ITGA8: variants seen among roughly 807,000 people sequenced by gnomAD.
The protein encoded by ITGA8 is integrin alpha-8.
ITGA8 carries 91 observed loss-of-function variants against 142.3 expected under a neutral mutation model. The ratio of observed to expected loss-of-function variants is 0.64; its 90% CI spans 0.54 to 0.76. The LOEUF is 0.76. Ranked by LOEUF, ITGA8 falls within the 30% of genes least tolerant of loss-of-function variation. ITGA8 has a pLI of 0.00. For synonymous variants in ITGA8, 505 were observed against 485.2 expected, an observed-to-expected ratio of 1.04 and a Z score of -0.54; for missense variants, 1,406 against 1,327.7, an observed-to-expected ratio of 1.06 and a Z score of -0.92.
intron 23 of ITGA8, among the ~76,000 whole-genome samples, chr10:15,576,407 A>G (rs1480111604): frequency 6.6e-6 from 1 of 152,222 alleles, no homozygotes; most frequent in Non-Finnish European, 1.5e-5. Flanking sequence ...TTACAAACTA[A>G]ATTATTATTT....
chr10:15,661,771 C>T (rs1424124825), intron 8 of ITGA8, among the ~76,000 whole-genome samples: 1 of 152,160 alleles, frequency 6.6e-6, no homozygotes, highest in Admixed American at 6.6e-5. Flanking sequence ...GATTCATCTA[C>T]AGCAGTAGGA....
intron 6 of ITGA8, among the ~76,000 whole-genome samples, chr10:15,673,193 C>T (rs1239935018): frequency 6.6e-6 from 1 of 152,162 alleles, no homozygotes; most frequent in Non-Finnish European, 1.5e-5. Flanking sequence ...AAGTGATTCT[C>T]CTGCTTCAGC....
At chr10:15,582,663 A>G (rs111420931) in intron 23 of ITGA8, among the ~76,000 whole-genome samples, 7 of 152,386 alleles carry the variant, frequency 4.6e-5, no homozygotes, top group Admixed American at 2.0e-4. Context: ...TTGATGGCAA[A>G]TAAGCACTGA....
chr10:15,680,500 A>C (rs927345779), intron 4 of ITGA8, among the ~76,000 whole-genome samples: 3 of 152,050 alleles, frequency 2.0e-5, no homozygotes, highest in Non-Finnish European at 4.4e-5. Context: ...TGGAATATCT[A>C]AGTATCAATT....
At chr10:15,558,672 C>G (rs28643277) in intron 25 of ITGA8, among the ~76,000 whole-genome samples, 1 of 151,704 alleles carries the variant, frequency 6.6e-6, no homozygotes, top group Non-Finnish European at 1.5e-5. Context: ...TCAAAGACCC[C>G]ACATCCACAT....
intron 8 of ITGA8, among the ~76,000 whole-genome samples, chr10:15,670,063 C>T (rs544823400): frequency 6.6e-6 from 1 of 152,280 alleles, no homozygotes; most frequent in East Asian, 1.9e-4. Flanking sequence ...CAGAAATCAC[C>T]CATCTTCTGC....
chr10:15,634,824 T>C (rs1005099672), intron 13 of ITGA8, among the ~76,000 whole-genome samples: 3 of 152,104 alleles, frequency 2.0e-5, no homozygotes, highest in African/African-American at 7.2e-5. Context: ...AATAGGTCCA[T>C]TGATTCATTA....
At chr10:15,547,541 C>G (rs1833700754) in intron 27 of ITGA8, among the ~76,000 whole-genome samples, 1 of 152,190 alleles carries the variant, frequency 6.6e-6, no homozygotes, top group Admixed American at 6.5e-5. Flanking sequence ...TACTGCACTC[C>G]AGGCTGGGTA....
At chr10:15,519,754 T>C (rs1833022709) in intron 28 of ITGA8, among the ~76,000 whole-genome samples, 1 of 152,166 alleles carries the variant, frequency 6.6e-6, no homozygotes, top group African/African-American at 2.4e-5. Context: ...TGGCCAAAAG[T>C]AGACTCAATA....
At chr10:15,553,615 G>T (rs1364644157) in intron 26 of ITGA8, among the ~76,000 whole-genome samples, 1 of 152,132 alleles carries the variant, frequency 6.6e-6, no homozygotes, top group Non-Finnish European at 1.5e-5. Flanking sequence ...TAAAACTCTT[G>T]AAAACTTCTG....
Position 15,646,983 on chromosome 10 carries a change from A to G in ITGA8, c.1070T>C (p.Val357Ala), listed in dbSNP as rs761420704. Residue 357 changes from valine (V) to alanine (A), a missense_variant, in exon 12 of 30, where the codon GTA (valine) becomes GCA (alanine). By Grantham distance (64) the Val-to-Ala change is moderately conservative. Coordinates refer to ENST00000378076, the MANE Select transcript of ITGA8 (RefSeq NM_003638.3). ...TTGCAAATACAGGTAGATTTGCCCT[A>G]CTTCTCTGGGGTTGCTCTCAAATTC... ...EREFESNPRE[V>A]GQIYLYLQVS... 5 of 1,613,830 alleles carry G rather than the reference A, an allele frequency of 3.1e-6. No homozygotes were observed. Among genetic ancestry groups the G allele is most frequent in the African/African-American group, 2.7e-5 (2 of 74,844 alleles).
At chr10:15,565,801 G>T (rs1293116248) in intron 25 of ITGA8, among the ~76,000 whole-genome samples, 2 of 151,646 alleles carry the variant, frequency 1.3e-5, no homozygotes, top group Admixed American at 1.3e-4. Context: ...TGGTTGCCAG[G>T]CTGGTTTTGA....
intron 25 of ITGA8, among the ~76,000 whole-genome samples, chr10:15,561,222 T>TAA (rs1217192248): frequency 5.7e-5 from 6 of 104,392 alleles, no homozygotes; most frequent in Non-Finnish European, 9.6e-5. Flanking sequence ...TATATATATA[T>TAA]ATATATATAT....
chr10:15,677,816 ATTAT>A (rs1834660534), intron 5 of ITGA8, among the ~76,000 whole-genome samples, 179 bp from the exon 6 acceptor site: 1 of 152,146 alleles, frequency 6.6e-6, no homozygotes, highest in Non-Finnish European at 1.5e-5. Flanking sequence ...TTTGTTTTCA[ATTAT>A]TTAGTGTGTT....
Position 15,635,918 on chromosome 10 carries a change from T to TACACACACACAC in ITGA8, c.1399+8100_1399+8111dup, listed in dbSNP as rs4030579. Reference sequence around the variant, plus strand: ...TTCTGTGTTACTTGTTTGCTTATACTACACACACACACACACACACACACA... The same window carrying TACACACACACAC: ...TTCTGTGTTACTTGTTTGCTTATACTACACACACACACACACACACACACACACACACACACA... On this transcript the variant is annotated intron_variant, in intron 13 of 29. Transcript: ENST00000378076. Among the ~76,000 whole-genome samples the TACACACACACAC allele has an allele frequency of 4.7e-3, 676 of 143,110 alleles. 4 individuals are homozygous for TACACACACACAC. Among genetic ancestry groups the TACACACACACAC allele is most frequent in the Admixed American group, 0.015 (213 of 14,162 alleles). 93.9% of individuals were successfully genotyped at this position (143,110 alleles called of 152,430 possible). A position where few individuals can be genotyped will look rare whatever the true frequency, so the allele number is the denominator to read the frequency against.
At position 15,634,533 on chromosome 10, in the gene ITGA8, G is replaced by A. The variant is rs1370394660; in HGVS notation, c.1399+9497C>T. 5.9e-5 allele frequency among the ~76,000 whole-genome samples: 9 copies of A among 152,096 alleles called. No individual in the cohort carries two copies. In the East Asian group the frequency reaches 1.7e-3, roughly 29 times the overall value. ...AGAGCTAGAATTTGATTTAATTCGG[G>A]CCCGTGAGAGCAGGATCTTTGTTTA... On this transcript the variant is annotated intron_variant, in intron 13 of 29. Coordinates refer to ENST00000378076, the MANE Select transcript of ITGA8 (RefSeq NM_003638.3).
intron 28 of ITGA8, among the ~76,000 whole-genome samples, chr10:15,527,947 G>A (rs1474955404): frequency 2.2e-5 from 2 of 92,872 alleles, no homozygotes; most frequent in Non-Finnish European, 3.8e-5. Context: ...ACAGGTTCTT[G>A]CTCTGTTGCC....
intron 2 of ITGA8, among the ~76,000 whole-genome samples, chr10:15,691,040 G>T (rs1196073921): frequency 6.6e-6 from 1 of 152,212 alleles, no homozygotes; most frequent in African/African-American, 2.4e-5. Flanking sequence ...GGCCTGGACA[G>T]ATATTTTATG....
At chr10:15,694,223 A>G (rs1284942785) in intron 2 of ITGA8, among the ~76,000 whole-genome samples, 3 of 140,070 alleles carry the variant, frequency 2.1e-5, no homozygotes, top group Non-Finnish European at 4.6e-5. Context: ...ATAACATATC[A>G]TATATATGAT....
Sources: allele counts gnomAD v4.1 joint callset (sites outside exome capture counted in the v4.1 genomes callset), GRCh38; gene constraint gnomAD v4.1.1; transcripts MANE v1.5; gene names NCBI Gene and HGNC (gene_info 2026-07-23, HGNC 2026-07-21).